Variants in KCNJ5 observed in about 807,000 individuals in gnomAD.
KCNJ5 encodes the protein potassium inwardly rectifying channel subfamily J member 5.
Under a neutral mutation model 20.2 loss-of-function variants are expected in KCNJ5, and 12 were observed. The observed-to-expected ratio is 0.59, with a 90% CI of 0.38 to 0.96. The LOEUF (loss-of-function observed/expected upper bound fraction) is 0.96, where lower values mean the gene tolerates loss of function less well. Ranked by LOEUF, KCNJ5 falls within the 40% of genes least tolerant of loss-of-function variation. The probability of loss-of-function intolerance (pLI) is 0.00; values close to 1 mark genes in which losing one functional copy is unlikely to be tolerated. For missense variants in KCNJ5, 449 were observed against 557.6 expected, an observed-to-expected ratio of 0.81 and a Z score of 1.96; for synonymous variants, 210 against 213.9, an observed-to-expected ratio of 0.98 and a Z score of 0.16.
intron 1 of KCNJ5, chr11:128,902,358 G>A: frequency 1.5e-6 from 1 of 670,844 alleles, no homozygotes; most frequent in South Asian, 1.9e-5. Context: ...TCCCCATTGA[G>A]ACCATTTTTA....
rs1438033328 is a variant in KCNJ5 at position 128,921,013 on chromosome 11, C to T, written c.*4282C>T. On this transcript the variant is annotated 3_prime_UTR_variant, in exon 3 of 3. Coordinates refer to ENST00000529694, the MANE Select transcript of KCNJ5 (RefSeq NM_000890.5). ...TGCTTTCGGGGAGAAGCCACTTACT[C>T]GGCTCGCCTTGGTTTTTGCTAACAA... The T allele has an allele frequency of 2.0e-5, 3 of 152,232 alleles. No homozygotes were observed. The highest frequency in any genetic ancestry group is 6.5e-5 in the Admixed American group (1 of 15,290). The allele number at this position is 152,232 out of a possible 1,614,324, so 9.4% of individuals were successfully genotyped here.
At chr11:128,904,416 C>T in intron 1 of KCNJ5, 1 of 1,613,964 alleles carries the variant, frequency 6.2e-7, no homozygotes, top group Non-Finnish European at 8.5e-7. Context: ...CATCAAGGGT[C>T]GTCAATCTCA....
In KCNJ5 at chr11:128,911,254, T is replaced by C; in HGVS notation, c.-10-10T>C. 1 of 1,610,684 alleles carries C rather than the reference T, an allele frequency of 6.2e-7. No homozygotes were observed. The highest frequency in any genetic ancestry group is 8.5e-7 in the Non-Finnish European group (1 of 1,177,194). On this transcript the variant is annotated splice_polypyrimidine_tract_variant and intron_variant, in intron 1 of 2. Transcript: ENST00000529694. The surrounding 1 kb of genome is among the most constrained non-coding windows in gnomAD (Gnocchi z 6.3). ...GCCCACTTCACTGATGGTGTCTTTTTAACTCAAAGCATCCCAGCTATGGCT... is the reference window on the plus strand; with the variant it reads ...GCCCACTTCACTGATGGTGTCTTTTCAACTCAAAGCATCCCAGCTATGGCT...
chr11:128,895,769 C>A (rs577483092), intron 1 of KCNJ5, among the ~76,000 whole-genome samples: 2 of 152,250 alleles, frequency 1.3e-5, no homozygotes, highest in African/African-American at 4.8e-5. Context: ...CCGTGCTGCG[C>A]GCCCTTAGGG....
At chr11:128,895,704 G>A (rs951071272) in intron 1 of KCNJ5, among the ~76,000 whole-genome samples, 6 of 152,274 alleles carry the variant, frequency 3.9e-5, no homozygotes, top group Non-Finnish European at 7.3e-5. Context: ...CCTGCCCTCT[G>A]AGCTCTCAGA....
chr11:128,912,140 G>T lies in KCNJ5; in HGVS notation c.867G>T (p.Met289Ile). 6.2e-7 allele frequency: 1 copy of T among 1,612,282 alleles called. No individual in the cohort carries two copies. Among genetic ancestry groups the T allele is most frequent in the South Asian group, 1.1e-5 (1 of 91,080 alleles). The change falls in exon 2 of 3, where the codon ATG becomes ATT. Residue 289 changes from methionine (M) to isoleucine (I), a missense_variant. Physicochemically the swap from Met to Ile is conservative, Grantham distance 10 (BLOSUM62 1). Transcript: ENST00000529694. ...EINQKSPFWE[M>I]SQAQLHQEEF... is the part of the protein sequence containing the mutation. Reference sequence around the variant, plus strand: ...ACCAGAAGAGCCCTTTCTGGGAGATGTCTCAGGCTCAGCTGCATCAGGAAG... The same window carrying T: ...ACCAGAAGAGCCCTTTCTGGGAGATTTCTCAGGCTCAGCTGCATCAGGAAG...
intron 1 of KCNJ5, chr11:128,904,529 C>T: frequency 6.9e-7 from 1 of 1,454,940 alleles, no homozygotes; most frequent in East Asian, 2.3e-5. Flanking sequence ...AGAGGTCGTG[C>T]TACTCAGGTG....
chr11:128,916,651 C>A lies in KCNJ5; in HGVS notation c.1180C>A (p.Leu394Met), dbSNP rs757787474. The change falls in exon 3 of 3, where the codon CTG (leucine) becomes ATG (methionine). Residue 394 changes from leucine to methionine, a missense_variant. Coordinates refer to ENST00000529694, the MANE Select transcript of KCNJ5 (RefSeq NM_000890.5). ...GCTGGGGGGCTGTGCTGAGGCAGGG[C>A]TGGATGCAGAGGCTGAGCAGAATGA... ...PLLGGCAEAG[L>M]DAEAEQNEED... 6 of 1,613,224 alleles carry A rather than the reference C, an allele frequency of 3.7e-6. No homozygotes were observed. The Admixed American group carries it at 6.7e-5, about 18-fold the overall frequency.
At chr11:128,899,861 G>T (rs1326944675) in intron 1 of KCNJ5, 4 of 152,198 alleles carry the variant, frequency 2.6e-5, no homozygotes, top group Non-Finnish European at 5.9e-5. Flanking sequence ...TAAAGGGAAG[G>T]GGTGTAAGGA....
intron 1 of KCNJ5, chr11:128,902,826 G>A (rs937745803): frequency 5.6e-6 from 7 of 1,239,158 alleles, no homozygotes; most frequent in Non-Finnish European, 7.8e-6. Context: ...GGGCAGAAAA[G>A]GCCTCTCTCC....
intron 1 of KCNJ5, among the ~76,000 whole-genome samples, chr11:128,907,092 A>G (rs560319673): frequency 2.6e-5 from 4 of 152,310 alleles, no homozygotes; most frequent in Non-Finnish European, 5.9e-5. Flanking sequence ...CCCACAGAAG[A>G]GTATACAAAT....
chr11:128,898,914 AG>A lies in KCNJ5; in HGVS notation c.-11+7195del, dbSNP rs200213546. ...ACGCTGTTCTCGAACTCCTGACCCC[AG>A]GTAATCCGCCTGCCTTGGCCTCCCA... is the stretch of plus-strand genomic sequence containing the variant. On this transcript the variant is annotated intron_variant, in intron 1 of 2. Coordinates refer to ENST00000529694, the MANE Select transcript of KCNJ5 (RefSeq NM_000890.5). Among the ~76,000 whole-genome samples, 1,344 of 152,332 alleles carry A rather than the reference AG, an allele frequency of 8.8e-3. 19 individuals carry two copies. Among genetic ancestry groups the A allele is most frequent in the African/African-American group, 0.031 (1,291 of 41,564 alleles).
chr11:128,915,999 TGG>T, intron 2 of KCNJ5, among the ~76,000 whole-genome samples: 1 of 150,872 alleles, frequency 6.6e-6, no homozygotes, highest in Non-Finnish European at 1.5e-5. Flanking sequence ...GATGGATGGA[TGG>T]ATGGATGGAT....
intron 2 of KCNJ5, among the ~76,000 whole-genome samples, chr11:128,915,986 TTGGATGGA>T (rs142142551): frequency 1.5e-5 from 2 of 132,376 alleles, no homozygotes; most frequent in Non-Finnish European, 3.2e-5. Flanking sequence ...GGATGGATGA[TTGGATGGA>T]TGGATGGATG....
At chr11:128,891,747 A>T (rs1285132045) in intron 1 of KCNJ5, 26 bp downstream of exon 1, 1 of 151,960 alleles carries the variant, frequency 6.6e-6, no homozygotes, top group Non-Finnish European at 1.5e-5. Context: ...TTCCTCCTCC[A>T]TTTCTCCCCC....
chr11:128,902,448 A>C (rs12805708), intron 1 of KCNJ5: 92,929 of 1,418,218 alleles, frequency 0.066, 5,496 homozygotes, highest in African/African-American at 0.3. Flanking sequence ...CCAGTTAGGG[A>C]GGAGAAGGCA....
At position 128,891,431 on chromosome 11, in the gene KCNJ5, C is replaced by CAGAGAGAGAGAGAGAG. The variant is rs1214176390; in HGVS notation, c.-300_-299insGAGAGAGAGAGAGAGA. On this transcript the variant is annotated 5_prime_UTR_variant, in exon 1 of 3. Transcript: ENST00000529694. Reference sequence around the variant, plus strand: ...ACACACACACACACACACACACACACACACACACACAGAGAGAGAGAGAGA... The same window carrying CAGAGAGAGAGAGAGAG: ...ACACACACACACACACACACACACACAGAGAGAGAGAGAGAGACACACACACAGAGAGAGAGAGAGA... The CAGAGAGAGAGAGAGAG allele has an allele frequency of 2.2e-5, 2 of 92,740 alleles. No individual in the cohort carries two copies. The highest frequency in any genetic ancestry group is 1.1e-4 in the Admixed American group (1 of 9,378). 5.7% of individuals were successfully genotyped at this position (92,740 alleles called of 1,614,324 possible).
At chr11:128,892,979 G>A (rs1223170215) in intron 1 of KCNJ5, among the ~76,000 whole-genome samples, 1 of 152,164 alleles carries the variant, frequency 6.6e-6, no homozygotes, top group Non-Finnish European at 1.5e-5. Flanking sequence ...TTAAATCCAG[G>A]GTCTTTCCAC....
chr11:128,910,217 T>A (rs1255419585), intron 1 of KCNJ5, among the ~76,000 whole-genome samples: 2 of 152,074 alleles, frequency 1.3e-5, no homozygotes, highest in Non-Finnish European at 2.9e-5. Context: ...GTTAAATGGG[T>A]TTTGAGGGGA....
Sources: allele counts gnomAD v4.1 joint callset (sites outside exome capture counted in the v4.1 genomes callset), GRCh38; gene constraint gnomAD v4.1.1; non-coding constraint Gnocchi (gnomAD v3.1); transcripts MANE v1.5; gene names NCBI Gene and HGNC (gene_info 2026-07-23, HGNC 2026-07-21).